Variants in SLC36A1 observed in about 807,000 individuals in gnomAD.
The protein encoded by SLC36A1 is proton-coupled amino acid transporter 1.
SLC36A1 carries 30 observed loss-of-function variants against 47.5 expected under a neutral mutation model. The ratio of observed to expected loss-of-function variants is 0.63; its 90% CI spans 0.47 to 0.86. The LOEUF (loss-of-function observed/expected upper bound fraction) is 0.86, where lower values mean the gene tolerates loss of function less well. SLC36A1 is among the 40% of genes least tolerant of loss of function. The pLI, the probability that SLC36A1 is intolerant of heterozygous loss-of-function variation, is 0.00. For missense variants in SLC36A1, 517 were observed against 606.0 expected, an observed-to-expected ratio of 0.85 and a Z score of 1.54; for synonymous variants, 255 against 249.7, an observed-to-expected ratio of 1.02 and a Z score of -0.20.
At chr5:151,454,547 G>C (rs935880781) in intron 1 of SLC36A1, among the ~76,000 whole-genome samples, 2 of 152,046 alleles carry the variant, frequency 1.3e-5, no homozygotes, top group African/African-American at 2.4e-5. Flanking sequence ...AAGGGAACAG[G>C]CTTTCTCCCA....
the SLC36A1 span, among the ~76,000 whole-genome samples, chr5:151,361,094 GCTT>G: frequency 6.6e-6 from 1 of 152,092 alleles, no homozygotes; most frequent in African/African-American, 2.4e-5. Flanking sequence ...ATTGTTTCAG[GCTT>G]TTATGGTTTT....
At chr5:151,351,239 G>T in the SLC36A1 span, among the ~76,000 whole-genome samples, 1 of 152,140 alleles carries the variant, frequency 6.6e-6, no homozygotes, top group Non-Finnish European at 1.5e-5. Flanking sequence ...GATAGGAGAA[G>T]GAACACAGTG....
chr5:151,387,433 A>T, the SLC36A1 span, among the ~76,000 whole-genome samples: 4 of 152,330 alleles, frequency 2.6e-5, no homozygotes, highest in East Asian at 7.7e-4. Flanking sequence ...AAACAATTGC[A>T]AACATGTCTT....
the SLC36A1 span, chr5:151,532,050 G>C: frequency 6.4e-7 from 1 of 1,550,644 alleles, no homozygotes; most frequent in South Asian, 1.2e-5. Context: ...GCAGCCACAG[G>C]AGGGGCTGGG....
At chr5:151,481,928 A>G (rs1561782366) in intron 10 of SLC36A1, among the ~76,000 whole-genome samples, 1 of 152,198 alleles carries the variant, frequency 6.6e-6, no homozygotes, top group Non-Finnish European at 1.5e-5. Flanking sequence ...TTGTAGGATC[A>G]ACGGTTTTTT....
At chr5:151,479,839 G>T in intron 10 of SLC36A1, 1 of 537,092 alleles carries the variant, frequency 1.9e-6, no homozygotes, top group East Asian at 3.0e-5. Context: ...ATGAGTATAA[G>T]TTACTCTGAT....
intron 7 of SLC36A1, among the ~76,000 whole-genome samples, chr5:151,472,170 G>C (rs184566096): frequency 6.6e-6 from 1 of 152,206 alleles, no homozygotes; most frequent in South Asian, 2.1e-4. Context: ...ACAACAGGCC[G>C]TCTGCAGGCT....
chr5:151,378,076 GA>G, the SLC36A1 span: 1 of 344,578 alleles, frequency 2.9e-6, no homozygotes, highest in Admixed American at 3.5e-5. Flanking sequence ...TCTTCACTAA[GA>G]AGGTATACAG....
the SLC36A1 span, among the ~76,000 whole-genome samples, chr5:151,506,277 T>C: frequency 6.6e-6 from 1 of 152,220 alleles, no homozygotes; most frequent in African/African-American, 2.4e-5. Context: ...TGGGACAAGC[T>C]CAAGGCTAGA....
the SLC36A1 span, among the ~76,000 whole-genome samples, chr5:151,396,155 C>CAT: frequency 1.6e-4 from 24 of 150,008 alleles, no homozygotes; most frequent in East Asian, 9.8e-4. Context: ...TATTATCATA[C>CAT]ATATATATAT....
the SLC36A1 span, chr5:151,531,589 G>T: frequency 6.2e-7 from 1 of 1,612,322 alleles, no homozygotes; most frequent in East Asian, 2.2e-5. This position sits in a 1 kb window ranked among gnomAD's most constrained non-coding sequence, Gnocchi z 5.7. Flanking sequence ...GCTCTCACCT[G>T]TGCGAGCATC....
the SLC36A1 span, among the ~76,000 whole-genome samples, chr5:151,401,723 A>G: frequency 2.6e-5 from 4 of 151,930 alleles, no homozygotes; most frequent in Admixed American, 2.0e-4. Flanking sequence ...TGTAGAAACC[A>G]TTCACCTCCT....
At chr5:151,347,253 C>T in the SLC36A1 span, 1 of 1,612,718 alleles carries the variant, frequency 6.2e-7, no homozygotes, top group South Asian at 1.1e-5. Context: ...ATGCAAGCTT[C>T]AGGCTAGAAA....
chr5:151,495,668 C>T (rs1463579881), downstream of SLC36A1, among the ~76,000 whole-genome samples: 1 of 152,118 alleles, frequency 6.6e-6, no homozygotes, highest in Non-Finnish European at 1.5e-5. Context: ...ATACCCACTC[C>T]CTTCAGTCCC....
At chr5:151,395,808 T>G in the SLC36A1 span, among the ~76,000 whole-genome samples, 4 of 152,108 alleles carry the variant, frequency 2.6e-5, no homozygotes, top group Admixed American at 6.5e-5. Flanking sequence ...TCTTTCTTAT[T>G]TATTATTATT....
At chr5:151,388,526 A>AAAAAAAC in the SLC36A1 span, among the ~76,000 whole-genome samples, 1 of 150,416 alleles carries the variant, frequency 6.6e-6, no homozygotes, top group Non-Finnish European at 1.5e-5. Context: ...AAAAAAAAAG[A>AAAAAAAC]ACTTTGGTCT....
intron 1 of SLC36A1, among the ~76,000 whole-genome samples, chr5:151,448,892 T>A: frequency 6.6e-6 from 1 of 152,124 alleles, no homozygotes. Flanking sequence ...CTGGATGTTG[T>A]GCATCTTTCT....
At chr5:151,531,970 C>G in the SLC36A1 span, 1 of 1,613,958 alleles carries the variant, frequency 6.2e-7, no homozygotes, top group Non-Finnish European at 8.5e-7. The surrounding 1 kb of genome is among the most constrained non-coding windows in gnomAD (Gnocchi z 5.7). Flanking sequence ...GGCATTGGCG[C>G]CTGGCAGGGA....
the SLC36A1 span, chr5:151,382,427 G>A: frequency 1.6e-6 from 1 of 626,726 alleles, no homozygotes; most frequent in Non-Finnish European, 2.8e-6. Context: ...GCTCAGTAGG[G>A]ATAGATGTGT....
Sources: allele counts gnomAD v4.1 joint callset (sites outside exome capture counted in the v4.1 genomes callset), GRCh38; gene constraint gnomAD v4.1.1; non-coding constraint Gnocchi (gnomAD v3.1); transcripts MANE v1.5; gene names NCBI Gene and HGNC (gene_info 2026-07-23, HGNC 2026-07-21).